The following BANP variants were observed in gnomAD, a reference collection of about 807,000 sequenced individuals.
BANP encodes the protein protein BANP.
BANP carries 11 observed loss-of-function variants against 68.1 expected under a neutral mutation model. The observed-to-expected ratio is 0.16, with a 90% CI of 0.10 to 0.27. BANP has a LOEUF of 0.27. Ranked by LOEUF, BANP falls within the 10% of genes least tolerant of loss-of-function variation. The pLI is 1.00. For synonymous variants in BANP, 329 were observed against 303.2 expected (o/e 1.09, Z -0.88); for missense variants, 504 against 722.7 (o/e 0.70, Z 3.47).
At chr16:88,038,168 C>T (rs1401803457) in intron 11 of BANP, among the ~76,000 whole-genome samples, 157 bp downstream of exon 11, 1 of 142,462 alleles carries the variant, frequency 7.0e-6, no homozygotes, top group Non-Finnish European at 1.5e-5. Flanking sequence ...AGGGGTGGGA[C>T]GGTCATTGTG....
chr16:88,023,333 A>G lies in BANP; in HGVS notation c.896-4150A>G, dbSNP rs1164667970. 2.6e-5 allele frequency among the ~76,000 whole-genome samples: 4 copies of G among 152,056 alleles called. No individual in the cohort carries two copies. In the East Asian group the frequency reaches 7.7e-4, roughly 29 times the overall value. Reference sequence around the variant, plus strand: ...GTGTCTCTCCATCATTTTTTCTCATAAAGGAGTGAGTCAGCAGGCTTGAAG... The same window carrying G: ...GTGTCTCTCCATCATTTTTTCTCATGAAGGAGTGAGTCAGCAGGCTTGAAG... On this transcript the variant is annotated intron_variant, in intron 7 of 13. Transcript: ENST00000682872.
At chr16:88,047,649 G>A (rs572139339) in intron 11 of BANP, among the ~76,000 whole-genome samples, 4 of 152,184 alleles carry the variant, frequency 2.6e-5, no homozygotes, top group African/African-American at 4.8e-5. Context: ...GGAGTCTGAT[G>A]TTCTTAGTGG....
At chr16:88,044,731 C>T (rs1312967295) in intron 11 of BANP, among the ~76,000 whole-genome samples, 3 of 152,190 alleles carry the variant, frequency 2.0e-5, no homozygotes, top group Non-Finnish European at 4.4e-5. Context: ...CGCCTGTAAT[C>T]CCAGCACTTT....
At chr16:87,998,969 T>C (rs8050724) in intron 4 of BANP, among the ~76,000 whole-genome samples, 8,924 of 9,936 alleles carry the variant, frequency 0.9, 4,159 homozygotes, top group Middle Eastern at 1. Flanking sequence ...GACACGTCTC[T>C]ATGCACGCAC....
At chr16:87,970,754 T>A (rs1341012149) in intron 1 of BANP, among the ~76,000 whole-genome samples, 1 of 152,034 alleles carries the variant, frequency 6.6e-6, no homozygotes, top group South Asian at 2.1e-4. Context: ...GCGCGGTGGC[T>A]CGGCCTGTCA....
intron 1 of BANP, among the ~76,000 whole-genome samples, chr16:87,965,844 A>G (rs575295504): frequency 2.2e-4 from 33 of 152,292 alleles, no homozygotes; most frequent in South Asian, 1.5e-3. Flanking sequence ...CAGGTAATAA[A>G]TAAGTAAGGC....
At chr16:87,992,891 G>A (rs1429065618) in intron 4 of BANP, among the ~76,000 whole-genome samples, 1 of 152,082 alleles carries the variant, frequency 6.6e-6, no homozygotes, top group South Asian at 2.1e-4. Flanking sequence ...GAGTGTGTCC[G>A]CACACTGTTC....
intron 11 of BANP, among the ~76,000 whole-genome samples, chr16:88,038,815 G>A (rs542357220): frequency 6.6e-6 from 1 of 152,264 alleles, no homozygotes; most frequent in South Asian, 2.1e-4. Flanking sequence ...TGTCACCTCT[G>A]GATCACTGAA....
chr16:88,066,170 C>T (rs1030080078), intron 12 of BANP, among the ~76,000 whole-genome samples: 12 of 152,210 alleles, frequency 7.9e-5, no homozygotes, highest in African/African-American at 2.4e-5. Context: ...AAGAGCCTTT[C>T]CTCATGAAGG....
At chr16:88,026,651 G>A (rs2077052229) in intron 7 of BANP, among the ~76,000 whole-genome samples, 1 of 152,130 alleles carries the variant, frequency 6.6e-6, no homozygotes, top group South Asian at 2.1e-4. Flanking sequence ...TCCAAACTGT[G>A]TTTGTGAGGG....
chr16:88,056,777 T>C (rs1205116612), intron 11 of BANP, among the ~76,000 whole-genome samples: 1 of 152,230 alleles, frequency 6.6e-6, no homozygotes, highest in Non-Finnish European at 1.5e-5. Context: ...GTTATTCATT[T>C]CTTTTACCTG....
rs966909294 is a variant in BANP at position 88,076,595 on chromosome 16, C to A, written c.1527C>A (p.Ala509=). 1 of 1,612,420 alleles carries A rather than the reference C, an allele frequency of 6.2e-7. No homozygotes were observed. The highest frequency in any genetic ancestry group is 2.2e-5 in the East Asian group (1 of 44,874). Residue 509 remains alanine (A), a synonymous_variant, in exon 14 of 14, where the codon GCC becomes GCA. Transcript: ENST00000682872. ...VSDHTAGAQT[A]EALQPTLQPE... ...CTCCTTTCTCCCTTTTGCAGACGGC[C>A]GAAGCCCTGCAGCCCACGCTACAGC...
At position 88,057,784 on chromosome 16, in the gene BANP, C is replaced by G. The variant is rs1172088824; in HGVS notation, c.1312-7483C>G. ...GGGGGGGTGCGTGCAGTGACTCGCG[C>G]TGGCCCTGTCCCCGCACCCTGGACT... On this transcript the variant is annotated intron_variant, in intron 11 of 13. Transcript: ENST00000682872. The surrounding 1 kb of genome is among the most constrained non-coding windows in gnomAD (Gnocchi z 4.6). Among the ~76,000 whole-genome samples, 2 of 151,376 alleles carry G rather than the reference C, an allele frequency of 1.3e-5. No homozygotes were observed. The highest frequency in any genetic ancestry group is 2.9e-5 in the Non-Finnish European group (2 of 67,926).
At chr16:87,950,360 T>C (rs1228103441), upstream of BANP, 1 of 152,072 alleles carries the variant, frequency 6.6e-6, no homozygotes, top group Non-Finnish European at 1.5e-5. Context: ...AACTGCGCTA[T>C]GGTTTGGGAA....
At chr16:88,060,801 T>A (rs1289131465) in intron 11 of BANP, among the ~76,000 whole-genome samples, 1 of 152,152 alleles carries the variant, frequency 6.6e-6, no homozygotes, top group Non-Finnish European at 1.5e-5. Flanking sequence ...ATGGCAGGCT[T>A]GTGCACGCGT....
At chr16:88,022,452 G>T (rs1407405018) in intron 7 of BANP, among the ~76,000 whole-genome samples, 1 of 152,216 alleles carries the variant, frequency 6.6e-6, no homozygotes, top group Non-Finnish European at 1.5e-5. Flanking sequence ...TGCTTTCAGG[G>T]TTGACCTGTC....
At chr16:87,990,120 A>AT (rs1386376743) in intron 4 of BANP, among the ~76,000 whole-genome samples, 2 of 152,254 alleles carry the variant, frequency 1.3e-5, no homozygotes, top group Non-Finnish European at 2.9e-5. Flanking sequence ...TCGAAAAATT[A>AT]TTTTTAAAAA....
intron 2 of BANP, among the ~76,000 whole-genome samples, chr16:87,977,144 G>T (rs2062307506): frequency 6.6e-6 from 1 of 152,244 alleles, no homozygotes; most frequent in African/African-American, 2.4e-5. Context: ...GCCAGGCATG[G>T]TGGCTCATGC....
intron 11 of BANP, among the ~76,000 whole-genome samples, chr16:88,054,537 G>T (rs996020012): frequency 6.6e-6 from 1 of 151,810 alleles, no homozygotes; most frequent in Non-Finnish European, 1.5e-5. Flanking sequence ...CCTCTCCGTT[G>T]CCCTTACCTC....
Sources: gnomAD v4.1 joint callset for allele counts (sites outside exome capture counted in the v4.1 genomes callset) on GRCh38, gnomAD v4.1.1 for gene constraint, Gnocchi (gnomAD v3.1) non-coding constraint, MANE v1.5 for transcripts, NCBI Gene and HGNC (gene_info 2026-07-23, HGNC 2026-07-21) for gene names.